Variants in VPS36 observed in about 807,000 individuals in gnomAD.
VPS36 encodes the protein vacuolar protein-sorting-associated protein 36.
Under a neutral mutation model 63.5 loss-of-function variants are expected in VPS36, and 31 were observed. The ratio of observed to expected loss-of-function variants is 0.49; its 90% CI spans 0.37 to 0.66. VPS36 has a LOEUF of 0.66. Ranked by LOEUF, VPS36 falls within the 30% of genes least tolerant of loss-of-function variation. The pLI is 0.00. For missense variants in VPS36, 338 were observed against 463.7 expected, an observed-to-expected ratio of 0.73 and a Z score of 2.49; for synonymous variants, 138 against 157.2, an observed-to-expected ratio of 0.88 and a Z score of 0.91.
intron 1 of VPS36, among the ~76,000 whole-genome samples, chr13:52,447,785 AT>A (rs11439849): frequency 2.4e-3 from 354 of 145,284 alleles, no homozygotes; most frequent in African/African-American, 5.2e-3. Context: ...TTATGAAGTC[AT>A]TTTTTTTTTT....
At chr13:52,429,608 GAATA>G (rs1384262255) in intron 6 of VPS36, among the ~76,000 whole-genome samples, 1 of 152,116 alleles carries the variant, frequency 6.6e-6, no homozygotes, top group Non-Finnish European at 1.5e-5. Context: ...AATATCTGCT[GAATA>G]AATTAATGAT....
At chr13:52,432,217 G>T (rs2137792373) in intron 6 of VPS36, among the ~76,000 whole-genome samples, 1 of 152,188 alleles carries the variant, frequency 6.6e-6, no homozygotes, top group Non-Finnish European at 1.5e-5. Flanking sequence ...CAGGTTTGGT[G>T]GCGGGCGCCT....
chr13:52,438,218 C>T (rs1958238304), intron 3 of VPS36, among the ~76,000 whole-genome samples: 1 of 151,932 alleles, frequency 6.6e-6, no homozygotes, highest in Admixed American at 6.6e-5. Context: ...TTAAAGTTTA[C>T]TTTTTAGAAC....
At chr13:52,445,160 T>C (rs973306297) in intron 1 of VPS36, among the ~76,000 whole-genome samples, 2 of 152,226 alleles carry the variant, frequency 1.3e-5, no homozygotes, top group African/African-American at 4.8e-5. Context: ...TATGAGTCCA[T>C]GTTTTTCTCA....
chr13:52,427,255 T>C (rs1405760872), intron 6 of VPS36, 36 bp from the exon 7 acceptor site: 1 of 1,598,906 alleles, frequency 6.3e-7, no homozygotes, highest in East Asian at 2.2e-5. Flanking sequence ...GAAATCCATC[T>C]AAAGAATTAA....
chr13:52,426,193 C>A, intron 8 of VPS36, 127 bp from the exon 9 acceptor site: 1 of 1,207,550 alleles, frequency 8.3e-7, no homozygotes, highest in Non-Finnish European at 1.1e-6. Flanking sequence ...TGTTTCTATG[C>A]TGTGAACTAT....
At chr13:52,429,282 T>C (rs929174951) in intron 6 of VPS36, 1 of 985,322 alleles carries the variant, frequency 1.0e-6, no homozygotes, top group Non-Finnish European at 1.2e-6. Flanking sequence ...CAGTATATTC[T>C]TGATTTTCCA....
chr13:52,434,071 T>C (rs1189731001), intron 5 of VPS36, among the ~76,000 whole-genome samples: 1 of 152,194 alleles, frequency 6.6e-6, no homozygotes, highest in South Asian at 2.1e-4. Context: ...GTCTCAAATG[T>C]ACAAAAAAAA....
chr13:52,431,048 T>TCTACTA (rs1438628003), intron 6 of VPS36, among the ~76,000 whole-genome samples: 1 of 151,746 alleles, frequency 6.6e-6, no homozygotes, highest in African/African-American at 2.4e-5. Context: ...TCCTTAAAAA[T>TCTACTA]CTACTACAGA....
intron 6 of VPS36, among the ~76,000 whole-genome samples, chr13:52,430,411 T>A (rs1958143217): frequency 6.6e-6 from 1 of 152,104 alleles, no homozygotes; most frequent in Non-Finnish European, 1.5e-5. Flanking sequence ...GGCGACCGGA[T>A]CACGAGGTCA....
At position 52,446,606 on chromosome 13, in the gene VPS36, C is replaced by T. The variant is rs1158632297; in HGVS notation, c.96+3893G>A. Among the ~76,000 whole-genome samples, 4 of 151,854 alleles carry T rather than the reference C, an allele frequency of 2.6e-5. No individual in the cohort carries two copies. The South Asian group carries it at 6.2e-4, about 24-fold the overall frequency. On this transcript the variant is annotated intron_variant, in intron 1 of 13. Coordinates refer to ENST00000378060, the MANE Select transcript of VPS36 (RefSeq NM_016075.4). The stretch of plus-strand genomic sequence containing the variant: ...TCAGCACTCACTGAAAAGTTCTTAA[C>T]CTGCTTTTTTTTTTAATTTACATTT...
chr13:52,442,248 G>A, intron 2 of VPS36, 129 bp downstream of exon 2: 1 of 676,026 alleles, frequency 1.5e-6, no homozygotes, highest in Non-Finnish European at 2.2e-6. Context: ...CTACTCGGGA[G>A]GTTGAGGCCA....
chr13:52,424,865 G>A (rs1366655444), intron 9 of VPS36, among the ~76,000 whole-genome samples: 3 of 152,022 alleles, frequency 2.0e-5, no homozygotes, highest in South Asian at 4.2e-4. Context: ...GTGGGCGCCT[G>A]TAATCCCAGC....
intron 6 of VPS36, among the ~76,000 whole-genome samples, chr13:52,430,095 G>T (rs151250807): frequency 2.0e-4 from 31 of 152,092 alleles, no homozygotes; most frequent in Non-Finnish European, 3.7e-4. Context: ...TAGGTGACAG[G>T]ACTCAGGAAA....
At chr13:52,423,414 A>G (rs552775040) in intron 10 of VPS36, among the ~76,000 whole-genome samples, 160 bp downstream of exon 10, 9 of 152,192 alleles carry the variant, frequency 5.9e-5, no homozygotes, top group Non-Finnish European at 1.3e-4. Context: ...AACCAGGAAA[A>G]GAATCTACCT....
chr13:52,442,362 A>G lies in VPS36; in HGVS notation c.165+15T>C. 1 of 1,600,102 alleles carries G rather than the reference A, an allele frequency of 6.2e-7. No individual in the cohort carries two copies. Among genetic ancestry groups the G allele is most frequent in the Non-Finnish European group, 8.5e-7 (1 of 1,175,682 alleles). On this transcript the variant is annotated intron_variant, in intron 2 of 13. Coordinates refer to ENST00000378060, the MANE Select transcript of VPS36 (RefSeq NM_016075.4). ...AAAATAAAACCTACAACAGATGCAA[A>G]AAACTGTATCTTACATGATTTTTCT...
intron 1 of VPS36, among the ~76,000 whole-genome samples, chr13:52,448,965 G>T (rs1158387677): frequency 6.6e-6 from 1 of 152,208 alleles, no homozygotes; most frequent in African/African-American, 2.4e-5. Context: ...TCACAAAGAT[G>T]TAAATTGGTA....
chr13:52,440,001 T>TGA (rs761489176), intron 2 of VPS36, among the ~76,000 whole-genome samples: 45 of 151,628 alleles, frequency 3.0e-4, no homozygotes, highest in Admixed American at 6.6e-4. Flanking sequence ...TTTTTTGAGA[T>TGA]GGAGTCTCGC....
At chr13:52,416,591 G>A (rs1245125522) in intron 12 of VPS36, among the ~76,000 whole-genome samples, 1 of 152,188 alleles carries the variant, frequency 6.6e-6, no homozygotes, top group Non-Finnish European at 1.5e-5. Flanking sequence ...ACTATTTCAA[G>A]CATCCTAATG....
Sources: allele counts gnomAD v4.1 joint callset (sites outside exome capture counted in the v4.1 genomes callset), GRCh38; gene constraint gnomAD v4.1.1; transcripts MANE v1.5; gene names NCBI Gene and HGNC (gene_info 2026-07-23, HGNC 2026-07-21).